The following PEX13 variants were observed in gnomAD, a reference collection of about 807,000 sequenced individuals.
The protein encoded by PEX13 is peroxisome biogenesis factor 13.
A neutral mutation model predicts 34.5 loss-of-function variants in PEX13; 28 were observed. That is an observed-to-expected ratio of 0.81 (90% confidence interval 0.60 to 1.11). The LOEUF (loss-of-function observed/expected upper bound fraction) is 1.11. Ranked by LOEUF, PEX13 falls within the 50% of genes most tolerant of loss-of-function variation. The pLI is 0.00. For synonymous variants in PEX13, 177 were observed against 175.1 expected, an observed-to-expected ratio of 1.01 and a Z score of -0.09; for missense variants, 550 against 491.0, an observed-to-expected ratio of 1.12 and a Z score of -1.13.
At chr2:61,044,372 G>A (rs1177232) in intron 2 of PEX13, among the ~76,000 whole-genome samples, 13,960 of 152,148 alleles carry the variant, frequency 0.092, 865 homozygotes, top group Non-Finnish European at 0.14. Context: ...AGGTTCAAGC[G>A]ATTCAAGCTG....
chr2:61,048,476 A>G lies in PEX13; in HGVS notation c.918A>G (p.Gln306=), dbSNP rs772479479. 3 of 1,613,560 alleles carry G rather than the reference A, an allele frequency of 1.9e-6. No homozygotes were observed. Among genetic ancestry groups the G allele is most frequent in the African/African-American group, 1.3e-5 (1 of 74,916 alleles). The stretch of plus-strand genomic sequence containing the variant: ...ACTGTCTTTTTTTTCCATCAGAACA[A>G]CAACCCAAAGTGCGTGGTTGGCTTC... ...GDMLNLALKE[Q]QPKVRGWLLA... Residue 306 remains glutamine, a synonymous_variant, in exon 4 of 4, where the codon CAA becomes CAG. Transcript: ENST00000295030.
At chr2:61,032,494 C>G (rs905930645) in intron 2 of PEX13, among the ~76,000 whole-genome samples, 3 of 151,952 alleles carry the variant, frequency 2.0e-5, no homozygotes, top group African/African-American at 7.3e-5. Flanking sequence ...TTTCTTGAAC[C>G]TTTTTTAATA....
intron 2 of PEX13, among the ~76,000 whole-genome samples, chr2:61,044,017 A>G (rs1328685061): frequency 1.3e-5 from 2 of 151,798 alleles, no homozygotes; most frequent in Non-Finnish European, 2.9e-5. Flanking sequence ...TAGCGTGATC[A>G]TAGCTCACTG....
At chr2:61,035,388 A>T (rs1216737011) in intron 2 of PEX13, among the ~76,000 whole-genome samples, 9 of 152,202 alleles carry the variant, frequency 5.9e-5, no homozygotes, top group African/African-American at 2.2e-4. Flanking sequence ...AGAAAACCTG[A>T]AAATTCCAAA....
intron 2 of PEX13, among the ~76,000 whole-genome samples, chr2:61,033,478 A>C (rs1680485405): frequency 1.3e-5 from 2 of 152,226 alleles, no homozygotes; most frequent in Admixed American, 1.3e-4. Flanking sequence ...CTACATACCA[A>C]AGAATTCTCA....
In PEX13 at chr2:61,026,344, C is replaced by CTTT. The variant is rs71402320; in HGVS notation, c.93-5059_93-5057dup. On this transcript the variant is annotated intron_variant, in intron 1 of 3. Transcript: ENST00000295030. Reference sequence around the variant, plus strand: ...TGGCTGTGGCCACCTTTTCTTTTTTCTTTTTTTTTTTTTTTTTTGAGACGG... The same window carrying CTTT: ...TGGCTGTGGCCACCTTTTCTTTTTTCTTTTTTTTTTTTTTTTTTTTTGAGACGG... 4.4e-4 allele frequency among the ~76,000 whole-genome samples: 53 copies of CTTT among 121,220 alleles called. 1 individual carries two copies. Among genetic ancestry groups the CTTT allele is most frequent in the African/African-American group, 8.4e-4 (27 of 32,042 alleles). 79.5% of individuals were successfully genotyped at this position (121,220 alleles called of 152,430 possible).
chr2:61,024,430 T>G (rs767400443), intron 1 of PEX13, among the ~76,000 whole-genome samples: 1 of 152,250 alleles, frequency 6.6e-6, no homozygotes, highest in Non-Finnish European at 1.5e-5. Flanking sequence ...TCCTTCTGTT[T>G]CTTATGCTTC....
intron 1 of PEX13, among the ~76,000 whole-genome samples, chr2:61,021,853 T>C (rs1044859612): frequency 1.3e-5 from 2 of 152,376 alleles, no homozygotes; most frequent in Non-Finnish European, 2.9e-5. Context: ...TTTGCTGTTC[T>C]GTAGCCTCTG....
At position 61,031,743 on chromosome 2, in the gene PEX13, A is replaced by G. The variant is rs886056197; in HGVS notation, c.417A>G (p.Ala139=). 1.9e-6 allele frequency: 3 copies of G among 1,614,156 alleles called. No individual in the cohort carries two copies. The highest frequency in any genetic ancestry group is 1.6e-4 in the Middle Eastern group (1 of 6,062). The part of the protein sequence containing the change: ...AFQSIESIVH[A]FASVSMMMDA... ...AGTCCATTGAAAGTATTGTGCATGCATTTGCCTCTGTCAGTATGATGATGG... is the reference window on the plus strand; with the variant it reads ...AGTCCATTGAAAGTATTGTGCATGCGTTTGCCTCTGTCAGTATGATGATGG... Residue 139 remains alanine, a synonymous_variant, in exon 2 of 4, where the codon GCA becomes GCG. Transcript: ENST00000295030.
At chr2:61,019,418 T>A (rs1184295485) in intron 1 of PEX13, among the ~76,000 whole-genome samples, 3 of 152,108 alleles carry the variant, frequency 2.0e-5, no homozygotes, top group African/African-American at 7.2e-5. Context: ...TTTGTACAGA[T>A]GTTTTTGATT....
chr2:61,045,446 G>A (rs1680690619), intron 2 of PEX13, among the ~76,000 whole-genome samples: 1 of 152,062 alleles, frequency 6.6e-6, no homozygotes, highest in Non-Finnish European at 1.5e-5. Flanking sequence ...GGCTTTCAAA[G>A]TCTAAAATAT....
intron 2 of PEX13, among the ~76,000 whole-genome samples, chr2:61,042,575 C>T (rs1439103993): frequency 1.3e-5 from 2 of 152,028 alleles, no homozygotes; most frequent in African/African-American, 2.4e-5. Context: ...TCAGCATTAC[C>T]AGATTGAGCA....
Position 61,031,757 on chromosome 2 carries a change from G to A in PEX13, c.431G>A (p.Ser144Asn), listed in dbSNP as rs762747711. 2 of 1,613,846 alleles carry A rather than the reference G, an allele frequency of 1.2e-6. No homozygotes were observed. Among genetic ancestry groups the A allele is most frequent in the Non-Finnish European group, 8.5e-7 (1 of 1,179,818 alleles). Residue 144 changes from serine (S) to asparagine (N), a missense_variant, in exon 2 of 4, where the codon AGT becomes AAT. Coordinates refer to ENST00000295030, the MANE Select transcript of PEX13 (RefSeq NM_002618.4). ...ATTGTGCATGCATTTGCCTCTGTCA[G>A]TATGATGATGGATGCTACCTTTTCA... is the stretch of plus-strand genomic sequence containing the variant. Reference protein sequence around the residue: ...ESIVHAFASVSMMMDATFSAV... With the variant: ...ESIVHAFASVNMMMDATFSAV...
intron 3 of PEX13, among the ~76,000 whole-genome samples, chr2:61,047,597 A>G (rs1680724252): frequency 6.6e-6 from 1 of 152,232 alleles, no homozygotes; most frequent in Non-Finnish European, 1.5e-5. Context: ...GTTACATAAC[A>G]CTTCAGAAAA....
chr2:61,025,328 T>C (rs934127021), intron 1 of PEX13, among the ~76,000 whole-genome samples: 1 of 150,794 alleles, frequency 6.6e-6, no homozygotes, highest in Non-Finnish European at 1.5e-5. Flanking sequence ...AATTTTGTTA[T>C]GTAAGCCCTA....
chr2:61,045,595 A>G (rs1033931591), intron 2 of PEX13, 131 bp from the exon 3 acceptor site: 9 of 703,542 alleles, frequency 1.3e-5, no homozygotes, highest in African/African-American at 1.2e-4. Flanking sequence ...CATAGTATTC[A>G]TTATAGTTTT....
intron 1 of PEX13, among the ~76,000 whole-genome samples, chr2:61,030,022 C>G (rs1250135442): frequency 6.6e-6 from 1 of 152,080 alleles, no homozygotes; most frequent in East Asian, 1.9e-4. Context: ...ATATTAAGGA[C>G]TTGAGCATTC....
chr2:61,051,332 A>C lies in PEX13; in HGVS notation c.*2562A>C, dbSNP rs2104816488. On this transcript the variant is annotated 3_prime_UTR_variant, in exon 4 of 4. Transcript: ENST00000295030. The stretch of plus-strand genomic sequence containing the variant: ...TATTAAATTTGGGGTTGAGATGTCT[A>C]AATTGAATGCTAGAAGTAAAGTAGA... 6.6e-6 allele frequency: 1 copy of C among 152,502 alleles called. No homozygotes were observed. Among genetic ancestry groups the C allele is most frequent in the South Asian group, 2.1e-4 (1 of 4,832 alleles). The allele number at this position is 152,502 out of a possible 1,614,324, so 9.4% of individuals were successfully genotyped here.
chr2:61,043,301 C>G (rs1302989112), intron 2 of PEX13, among the ~76,000 whole-genome samples: 1 of 147,802 alleles, frequency 6.8e-6, no homozygotes, highest in Non-Finnish European at 1.5e-5. Flanking sequence ...TGGAGACCAT[C>G]CTGGCTAACG....
Sources: gnomAD v4.1 joint callset for allele counts (sites outside exome capture counted in the v4.1 genomes callset) on GRCh38, gnomAD v4.1.1 for gene constraint, MANE v1.5 for transcripts, NCBI Gene and HGNC (gene_info 2026-07-23, HGNC 2026-07-21) for gene names.